Variants in TRAPPC9 observed in about 807,000 individuals in gnomAD.
TRAPPC9 encodes IKK2 binding protein.
A neutral mutation model predicts 124.0 loss-of-function variants in TRAPPC9; 83 were observed. The observed-to-expected ratio is 0.67, with a 90% confidence interval of 0.56 to 0.80. The LOEUF (loss-of-function observed/expected upper bound fraction) is 0.80, where lower values mean the gene tolerates loss of function less well. TRAPPC9 is among the 30% of genes least tolerant of loss of function. The pLI is 0.00. For missense variants in TRAPPC9, 1,302 were observed against 1,508.3 expected (o/e 0.86, Z 2.27); for synonymous variants, 638 against 617.5 (o/e 1.03, Z -0.49).
intron 17 of TRAPPC9, among the ~76,000 whole-genome samples, chr8:140,175,713 C>T (rs928181866): frequency 3.3e-5 from 5 of 152,188 alleles, no homozygotes; most frequent in Non-Finnish European, 7.3e-5. Context: ...AACCATCCAG[C>T]CTCTCTGTGT....
Position 139,729,048 on chromosome 8 carries a change from A to T in TRAPPC9, c.*2013T>A, listed in dbSNP as rs538859035. Among the ~76,000 whole-genome samples the T allele has an allele frequency of 2.6e-5, 4 of 152,294 alleles. No homozygotes were observed. Among genetic ancestry groups the T allele is most frequent in the African/African-American group, 9.6e-5 (4 of 41,560 alleles). ...GATCTATATCTGTAGCTATGTGTGTACCTGTATCTTGATCTATTGTGCTTT... is the reference window on the plus strand; with the variant it reads ...GATCTATATCTGTAGCTATGTGTGTTCCTGTATCTTGATCTATTGTGCTTT... On this transcript the variant is annotated 3_prime_UTR_variant, in exon 23 of 23. Coordinates refer to ENST00000438773, the MANE Select transcript of TRAPPC9 (RefSeq NM_001160372.4).
intron 17 of TRAPPC9, among the ~76,000 whole-genome samples, chr8:140,156,000 C>G (rs1191025988): frequency 6.6e-6 from 1 of 152,184 alleles, no homozygotes; most frequent in African/African-American, 2.4e-5. Context: ...AGGTTTGGAA[C>G]TGGGGGGCCC....
chr8:140,171,075 G>C (rs1338577429), intron 17 of TRAPPC9, among the ~76,000 whole-genome samples: 1 of 152,202 alleles, frequency 6.6e-6, no homozygotes, highest in East Asian at 1.9e-4. Context: ...AGAGTTGAGA[G>C]ATGATGTCTG....
At chr8:140,183,086 T>G in intron 17 of TRAPPC9, among the ~76,000 whole-genome samples, 1 of 152,186 alleles carries the variant, frequency 6.6e-6, no homozygotes, top group East Asian at 1.9e-4. Context: ...TAGCTTTCTC[T>G]ACCACTGAGC....
At chr8:139,964,021 A>G (rs1222627111) in intron 19 of TRAPPC9, among the ~76,000 whole-genome samples, 2 of 151,948 alleles carry the variant, frequency 1.3e-5, no homozygotes, top group African/African-American at 2.4e-5. Flanking sequence ...TCAGGAGATC[A>G]AGACCAGCCT....
chr8:139,911,560 C>G (rs1831730984), intron 19 of TRAPPC9, among the ~76,000 whole-genome samples: 1 of 151,960 alleles, frequency 6.6e-6, no homozygotes, highest in African/African-American at 2.4e-5. Context: ...CAAAAATAAG[C>G]CAGGTATGGT....
At chr8:140,324,369 T>A (rs76539209) in intron 9 of TRAPPC9, among the ~76,000 whole-genome samples, 3,231 of 152,322 alleles carry the variant, frequency 0.021, 120 homozygotes, top group African/African-American at 0.072. Flanking sequence ...AATTTGTATG[T>A]ACTTAATAAC....
chr8:140,048,436 C>G (rs529985734), intron 17 of TRAPPC9, among the ~76,000 whole-genome samples: 44 of 152,098 alleles, frequency 2.9e-4, no homozygotes, highest in African/African-American at 1.1e-3. Flanking sequence ...GGGGTGAGGG[C>G]AACATTTCTG....
chr8:140,457,764 C>G (rs1420981634), upstream of TRAPPC9: 7 of 1,003,420 alleles, frequency 7.0e-6, no homozygotes, highest in East Asian at 7.7e-4. Context: ...GCCGGCGCTG[C>G]TCCTGCGCGT....
intron 5 of TRAPPC9, among the ~76,000 whole-genome samples, chr8:140,413,158 G>A (rs1234699985): frequency 6.6e-6 from 1 of 152,180 alleles, no homozygotes; most frequent in African/African-American, 2.4e-5. Flanking sequence ...GGAGGCCGAG[G>A]CAGGTAGATC....
At chr8:140,454,958 C>T (rs1486344679) in intron 1 of TRAPPC9, among the ~76,000 whole-genome samples, 1 of 149,754 alleles carries the variant, frequency 6.7e-6, no homozygotes, top group Non-Finnish European at 1.5e-5. Context: ...AAAAAAGACA[C>T]CTGCCACTGA....
intron 19 of TRAPPC9, among the ~76,000 whole-genome samples, chr8:139,966,904 G>T (rs747622882): frequency 6.6e-6 from 1 of 152,148 alleles, no homozygotes; most frequent in Non-Finnish European, 1.5e-5. Flanking sequence ...AATGAAAATA[G>T]AAAAGAATAA....
intron 17 of TRAPPC9, among the ~76,000 whole-genome samples, chr8:140,090,306 C>T (rs754247243): frequency 4.6e-5 from 7 of 152,134 alleles, no homozygotes; most frequent in Non-Finnish European, 1.0e-4. Context: ...TGGCACCAGA[C>T]ACTGCCTCCC....
chr8:140,019,794 C>T (rs543649614), intron 18 of TRAPPC9, among the ~76,000 whole-genome samples: 12 of 152,042 alleles, frequency 7.9e-5, no homozygotes, highest in African/African-American at 1.9e-4. Context: ...TCAGGTGATC[C>T]GCCTGCCTTG....
chr8:140,028,865 C>G (rs1840321061), intron 17 of TRAPPC9, among the ~76,000 whole-genome samples: 1 of 152,032 alleles, frequency 6.6e-6, no homozygotes, highest in Non-Finnish European at 1.5e-5. Context: ...AACAACAAAC[C>G]AGTAAGGAAG....
chr8:140,109,288 C>T (rs2060721066), intron 17 of TRAPPC9, among the ~76,000 whole-genome samples: 1 of 152,128 alleles, frequency 6.6e-6, no homozygotes, highest in Non-Finnish European at 1.5e-5. Context: ...ATAATAATTA[C>T]TCCAGGGCAG....
intron 15 of TRAPPC9, among the ~76,000 whole-genome samples, chr8:140,273,981 T>C (rs927801210): frequency 1.3e-5 from 2 of 152,206 alleles, no homozygotes; most frequent in South Asian, 4.1e-4. Flanking sequence ...CAGCAGGTTC[T>C]GTACTGGGCC....
At chr8:140,020,831 C>G (rs1454377917) in intron 18 of TRAPPC9, among the ~76,000 whole-genome samples, 1 of 152,110 alleles carries the variant, frequency 6.6e-6, no homozygotes, top group African/African-American at 2.4e-5. Context: ...TATTTGTAAA[C>G]AGTTTCATTT....
intron 18 of TRAPPC9, among the ~76,000 whole-genome samples, chr8:140,015,281 A>G (rs557755477): frequency 3.9e-5 from 6 of 152,342 alleles, no homozygotes; most frequent in Admixed American, 1.3e-4. Flanking sequence ...GCAAATCAGA[A>G]AACTCTCCGG....
Sources: gnomAD v4.1 joint callset for allele counts (sites outside exome capture counted in the v4.1 genomes callset) on GRCh38, gnomAD v4.1.1 for gene constraint, MANE v1.5 for transcripts, NCBI Gene and HGNC (gene_info 2026-07-23, HGNC 2026-07-21) for gene names.